Variants in WWOX observed in about 807,000 individuals in gnomAD.
WWOX encodes the protein WW domain-containing oxidoreductase.
In WWOX, 69 loss-of-function variants were observed where a neutral mutation model predicts 46.2. The ratio of observed to expected loss-of-function variants is 1.49; its 90% CI spans 1.23 to 1.82. The LOEUF (loss-of-function observed/expected upper bound fraction) is 1.82, where lower values mean the gene tolerates loss of function less well. WWOX is among the 40% of genes most tolerant of loss of function. WWOX has a pLI of 0.00. For missense variants in WWOX, 919 were observed against 542.6 expected (o/e 1.69, Z -6.89); for synonymous variants, 359 against 202.6 (o/e 1.77, Z -6.56).
chr16:78,632,887 C>G (rs1339639917), intron 8 of WWOX, among the ~76,000 whole-genome samples: 1 of 151,952 alleles, frequency 6.6e-6, no homozygotes, highest in Non-Finnish European at 1.5e-5. Context: ...CTGATCGCCT[C>G]TCCACCCCTG....
At position 78,144,448 on chromosome 16, in the gene WWOX, C is replaced by CGTATATATAT. The variant is rs71380475; in HGVS notation, c.410-19735_410-19734insGTATATATAT. On this transcript the variant is annotated intron_variant, in intron 4 of 8. Transcript: ENST00000566780. ...CCATTACTATATATATATATATATA[C>CGTATATATAT]ACATATATATATATACACACATATA... Among the ~76,000 whole-genome samples the CGTATATATAT allele has an allele frequency of 2.0e-3, 35 of 17,584 alleles. 2 individuals are homozygous for CGTATATATAT. Among genetic ancestry groups the CGTATATATAT allele is most frequent in the Admixed American group, 2.5e-3 (2 of 790 alleles). 11.5% of individuals were successfully genotyped at this position (17,584 alleles called of 152,430 possible). A position where few individuals can be genotyped will look rare whatever the true frequency, so the allele number is the denominator to read the frequency against.
At chr16:78,303,763 C>T (rs146383003) in intron 5 of WWOX, among the ~76,000 whole-genome samples, 46 of 152,236 alleles carry the variant, frequency 3.0e-4, no homozygotes, top group African/African-American at 9.6e-4. Context: ...AGGCTGGCCT[C>T]AAACTCCCGA....
At chr16:78,624,809 C>T (rs138275171) in intron 8 of WWOX, among the ~76,000 whole-genome samples, 79 of 152,256 alleles carry the variant, frequency 5.2e-4, no homozygotes, top group African/African-American at 1.9e-3. Context: ...ATTCCCTGTA[C>T]GATTTCTGGC....
chr16:78,480,329 G>A (rs2084456647), intron 8 of WWOX, among the ~76,000 whole-genome samples: 1 of 152,174 alleles, frequency 6.6e-6, no homozygotes, highest in Non-Finnish European at 1.5e-5. Flanking sequence ...TGTGAAGGAT[G>A]AACCACTTGG....
chr16:78,470,289 CA>C (rs1567591851), intron 8 of WWOX, among the ~76,000 whole-genome samples: 1 of 152,170 alleles, frequency 6.6e-6, no homozygotes, highest in African/African-American at 2.4e-5. Context: ...GGCTAGGAAA[CA>C]GAGCATAACC....
chr16:78,213,934 G>A (rs1179306172), intron 5 of WWOX, among the ~76,000 whole-genome samples: 3 of 152,292 alleles, frequency 2.0e-5, no homozygotes, highest in Non-Finnish European at 4.4e-5. Flanking sequence ...GTGTGAGCAT[G>A]TCACGCTGTG....
chr16:78,117,877 C>G (rs1385036064), intron 4 of WWOX, among the ~76,000 whole-genome samples: 1 of 152,050 alleles, frequency 6.6e-6, no homozygotes, highest in Non-Finnish European at 1.5e-5. Context: ...AATCTTTAAC[C>G]CTGTGAATGT....
chr16:78,375,871 T>G (rs1227063265), intron 5 of WWOX, among the ~76,000 whole-genome samples: 2 of 118,668 alleles, frequency 1.7e-5, no homozygotes, highest in Non-Finnish European at 3.7e-5. Context: ...TTTTTTTTTT[T>G]GACGGAGTCT....
At chr16:78,770,197 A>G (rs985507980) in intron 8 of WWOX, among the ~76,000 whole-genome samples, 1 of 152,048 alleles carries the variant, frequency 6.6e-6, no homozygotes, top group African/African-American at 2.4e-5. Context: ...CTAAAAATAC[A>G]AAAGTGAGTC....
intron 8 of WWOX, among the ~76,000 whole-genome samples, chr16:78,473,559 C>A (rs2667553): frequency 0.037 from 5,562 of 152,132 alleles, 220 homozygotes; most frequent in African/African-American, 0.093. Flanking sequence ...TGAGCAGATA[C>A]ACTTATCTGT....
intron 5 of WWOX, among the ~76,000 whole-genome samples, chr16:78,176,860 T>C (rs1243831758): frequency 6.6e-6 from 1 of 152,154 alleles, no homozygotes; most frequent in African/African-American, 2.4e-5. Context: ...CAGGGAAGGA[T>C]AGGATGCATT....
chr16:78,805,444 G>C (rs1268519966), intron 8 of WWOX, among the ~76,000 whole-genome samples: 2 of 149,666 alleles, frequency 1.3e-5, no homozygotes, highest in Non-Finnish European at 3.0e-5. Context: ...TTTTTGTATT[G>C]TTTGTATTTT....
At chr16:78,916,623 C>G (rs773963407) in intron 8 of WWOX, among the ~76,000 whole-genome samples, 3 of 152,122 alleles carry the variant, frequency 2.0e-5, no homozygotes, top group Non-Finnish European at 2.9e-5. Flanking sequence ...TGGGATTGGC[C>G]TAGACGAGCA....
At chr16:78,409,189 A>G (rs970665897) in intron 6 of WWOX, among the ~76,000 whole-genome samples, 1 of 152,116 alleles carries the variant, frequency 6.6e-6, no homozygotes, top group African/African-American at 2.4e-5. Context: ...AGAAAGTCCT[A>G]TTGGTTTAAA....
chr16:78,462,871 G>T (rs921137662), intron 8 of WWOX, among the ~76,000 whole-genome samples: 2 of 152,168 alleles, frequency 1.3e-5, no homozygotes, highest in African/African-American at 4.8e-5. Flanking sequence ...GCTTTCCTGG[G>T]TCTTGCCCTG....
At chr16:79,170,494 T>G (rs775903832) in intron 8 of WWOX, among the ~76,000 whole-genome samples, 2 of 152,200 alleles carry the variant, frequency 1.3e-5, no homozygotes, top group African/African-American at 4.8e-5. Context: ...ACCACTCTCA[T>G]AAATCAATGA....
chr16:78,237,550 C>T (rs546809625), intron 5 of WWOX: 2 of 152,262 alleles, frequency 1.3e-5, no homozygotes, highest in East Asian at 3.9e-4. Context: ...GGTTCTCACT[C>T]TGGGAGAGGC....
At chr16:78,935,872 A>C (rs1208419750) in intron 8 of WWOX, among the ~76,000 whole-genome samples, 2 of 152,230 alleles carry the variant, frequency 1.3e-5, no homozygotes, top group African/African-American at 4.8e-5. Context: ...ACATCACACC[A>C]CTGCACTTCG....
intron 4 of WWOX, among the ~76,000 whole-genome samples, chr16:78,115,365 C>G (rs1245370193): frequency 1.3e-5 from 2 of 152,138 alleles, no homozygotes; most frequent in Non-Finnish European, 1.5e-5. Context: ...TCTCTGAAAG[C>G]TGAACACTCA....
Sources: allele counts gnomAD v4.1 joint callset (sites outside exome capture counted in the v4.1 genomes callset), GRCh38; gene constraint gnomAD v4.1.1; transcripts MANE v1.5; gene names NCBI Gene and HGNC (gene_info 2026-07-23, HGNC 2026-07-21).